Variants in PLEKHA6 observed in about 807,000 individuals in gnomAD.
PLEKHA6 encodes the protein pleckstrin homology domain containing A6, also known as pleckstrin homology domain-containing family A member 6.
A neutral mutation model predicts 116.7 loss-of-function variants in PLEKHA6; 60 were observed. The observed-to-expected ratio is 0.51, with a 90% CI of 0.42 to 0.64. PLEKHA6 has a LOEUF of 0.64. PLEKHA6 is among the 30% of genes least tolerant of loss of function. The probability of loss-of-function intolerance (pLI) is 0.00; values close to 1 mark genes in which losing one functional copy is unlikely to be tolerated. For missense variants in PLEKHA6, 1,338 were observed against 1,422.7 expected (o/e 0.94, Z 0.96); for synonymous variants, 489 against 556.1 (o/e 0.88, Z 1.70).
At chr1:204,244,012 A>G (rs899051491) in intron 15 of PLEKHA6, among the ~76,000 whole-genome samples, 19 of 150,910 alleles carry the variant, frequency 1.3e-4, no homozygotes, top group South Asian at 8.4e-4. Flanking sequence ...TAGTAGAGAC[A>G]GGGTTTCACT....
chr1:204,293,992 T>C (rs967019990), intron 1 of PLEKHA6, among the ~76,000 whole-genome samples: 1 of 152,210 alleles, frequency 6.6e-6, no homozygotes, highest in Non-Finnish European at 1.5e-5. Flanking sequence ...GATAATAGAA[T>C]TGTATCGATG....
At position 204,241,369 on chromosome 1, in the gene PLEKHA6, A is replaced by G; in HGVS notation, c.2409+6T>C. 1 of 1,580,276 alleles carries G rather than the reference A, an allele frequency of 6.3e-7. No homozygotes were observed. Among genetic ancestry groups the G allele is most frequent in the South Asian group, 1.1e-5 (1 of 89,452 alleles). On this transcript the variant is annotated splice_donor_region_variant and intron_variant, in intron 17 of 22. Transcript: ENST00000272203. ...CAGGCCTGCATGAGCTTGCAGAGGT[A>G]CCCACCTGGGAGGAGAGTCCATTGG... is the stretch of plus-strand genomic sequence containing the variant.
intron 1 of PLEKHA6, among the ~76,000 whole-genome samples, chr1:204,292,263 A>G (rs1669844132): frequency 6.6e-6 from 1 of 152,228 alleles, no homozygotes; most frequent in African/African-American, 2.4e-5. Context: ...TGGTTCTTTT[A>G]TGGTCTTATG....
rs5780222 is a variant in PLEKHA6 at position 204,253,833 on chromosome 1, CAAAAAA to C, written c.1525-3225_1525-3220del. ...TAGGCAACAGAGTGAGATCTTGTCT[CAAAAAA>C]AAAAAAAAAAACAAAAACAAAAACA... On this transcript the variant is annotated intron_variant, in intron 9 of 22. Coordinates refer to ENST00000272203, the MANE Select transcript of PLEKHA6 (RefSeq NM_014935.5). 7.7e-3 allele frequency among the ~76,000 whole-genome samples: 1,013 copies of C among 131,956 alleles called. 5 individuals carry two copies. The highest frequency in any genetic ancestry group is 0.023 in the Middle Eastern group (6 of 256). 86.6% of individuals were successfully genotyped at this position (131,956 alleles called of 152,430 possible).
At chr1:204,267,890 C>T (rs1004108028) in intron 4 of PLEKHA6, among the ~76,000 whole-genome samples, 5 of 152,042 alleles carry the variant, frequency 3.3e-5, no homozygotes, top group Admixed American at 6.5e-5. Flanking sequence ...ACACCCCTAC[C>T]CCCCACCATA....
intron 1 of PLEKHA6, among the ~76,000 whole-genome samples, chr1:204,343,757 C>T (rs891765190): frequency 3.3e-5 from 5 of 152,204 alleles, no homozygotes; most frequent in Non-Finnish European, 7.3e-5. Context: ...CAGTGGCTGG[C>T]CTGACCATGT....
In PLEKHA6 at chr1:204,223,403, G is replaced by A; in HGVS notation, c.*8+59C>T. The stretch of plus-strand genomic sequence containing the variant: ...ATGAGAGGGCATAGATGGCTCAATG[G>A]GGGTGAAGGAAGGGGCCCCACTCCC... On this transcript the variant is annotated intron_variant, in intron 22 of 22. Transcript: ENST00000272203. This position sits in a 1 kb window ranked among gnomAD's most constrained non-coding sequence, Gnocchi z 4.8. 2.4e-6 allele frequency: 2 copies of A among 838,846 alleles called. No homozygotes were observed. Among genetic ancestry groups the A allele is most frequent in the East Asian group, 2.6e-5 (1 of 37,788 alleles). 52.0% of individuals were successfully genotyped at this position (838,846 alleles called of 1,614,324 possible).
intron 1 of PLEKHA6, among the ~76,000 whole-genome samples, chr1:204,278,279 C>G (rs147009339): frequency 6.6e-6 from 1 of 152,230 alleles, no homozygotes; most frequent in African/African-American, 2.4e-5. Context: ...GTAAAGAGTT[C>G]TAGCAAAGGA....
chr1:204,271,769 C>T (rs942195866), intron 3 of PLEKHA6, among the ~76,000 whole-genome samples: 2 of 152,236 alleles, frequency 1.3e-5, no homozygotes, highest in African/African-American at 4.8e-5. Context: ...GAAAACCACA[C>T]AAACCTGCAG....
At chr1:204,265,242 C>T (rs1433968316) in intron 5 of PLEKHA6, among the ~76,000 whole-genome samples, 200 bp from the exon 6 acceptor site, 1 of 152,144 alleles carries the variant, frequency 6.6e-6, no homozygotes, top group Non-Finnish European at 1.5e-5. Flanking sequence ...TGTGGTGGCC[C>T]TGGAGATGCT....
At chr1:204,327,069 C>A (rs949295736) in intron 1 of PLEKHA6, 13 of 924,514 alleles carry the variant, frequency 1.4e-5, no homozygotes, top group African/African-American at 1.8e-5. Flanking sequence ...CCTCCTCCTC[C>A]TCCTGGGATA....
At chr1:204,335,224 TC>T (rs1336529356) in intron 1 of PLEKHA6, among the ~76,000 whole-genome samples, 1 of 150,518 alleles carries the variant, frequency 6.6e-6, no homozygotes, top group Non-Finnish European at 1.5e-5. Flanking sequence ...CCCCACCACT[TC>T]CCCCCACACA....
chr1:204,309,034 A>G (rs1020220830), intron 1 of PLEKHA6: 1 of 962,430 alleles, frequency 1.0e-6, no homozygotes, highest in Non-Finnish European at 1.2e-6. Context: ...CTGTTCCTCC[A>G]GTGGCTGGTT....
chr1:204,326,845 A>G (rs1264911105), intron 1 of PLEKHA6: 1 of 289,244 alleles, frequency 3.5e-6, no homozygotes. Flanking sequence ...CTCACTCAGC[A>G]TTCACTGCCT....
At chr1:204,320,898 T>C (rs1430039011) in intron 1 of PLEKHA6, among the ~76,000 whole-genome samples, 1 of 152,158 alleles carries the variant, frequency 6.6e-6, no homozygotes, top group African/African-American at 2.4e-5. Flanking sequence ...TTGAAAAACA[T>C]GTTCTGAAGC....
chr1:204,276,333 C>T (rs754561810), intron 1 of PLEKHA6, among the ~76,000 whole-genome samples: 15 of 152,130 alleles, frequency 9.9e-5, no homozygotes, highest in Non-Finnish European at 1.9e-4. Context: ...TCCCCACTTC[C>T]CAAACTTTAT....
At chr1:204,354,497 T>C (rs187250588) in intron 1 of PLEKHA6, among the ~76,000 whole-genome samples, 189 of 152,364 alleles carry the variant, frequency 1.2e-3, no homozygotes, top group African/African-American at 4.5e-3. Flanking sequence ...CGAAATATGA[T>C]GTTCAGTAAC....
rs755862005 is a variant in PLEKHA6, at chr1:204,273,696, G to C, written c.32C>G (p.Ala11Gly). 1 of 1,614,028 alleles carries C rather than the reference G, an allele frequency of 6.2e-7. No individual in the cohort carries two copies. Among genetic ancestry groups the C allele is most frequent in the African/African-American group, 1.3e-5 (1 of 74,930 alleles). MSNKTGGKRP[A>G]TTNSDIPNHN... is the part of the protein sequence containing the mutation. ...GTTGGGTATGTCACTGTTGGTGGTA[G>C]CCGGGCGTTTCCCACCTGTTTTATT... is the stretch of plus-strand genomic sequence containing the variant. Residue 11 changes from alanine to glycine, a missense_variant, in exon 3 of 23, where the codon GCT becomes GGT. Around this residue, in one of 3 missense-constraint regions of PLEKHA6, gnomAD observed 62 missense variants for 61.7 expected, o/e 1.01. Coordinates refer to ENST00000272203, the MANE Select transcript of PLEKHA6 (RefSeq NM_014935.5).
At chr1:204,367,008 C>T (rs568842698) in intron 3 of PLEKHA6, among the ~76,000 whole-genome samples, 1 of 152,354 alleles carries the variant, frequency 6.6e-6, no homozygotes, top group African/African-American at 2.4e-5. Context: ...GCTTCACCAT[C>T]CCTGCAGAAT....
Sources: allele counts gnomAD v4.1 joint callset (sites outside exome capture counted in the v4.1 genomes callset), GRCh38; gene constraint gnomAD v4.1.1; regional missense constraint gnomAD v4.1.1; non-coding constraint Gnocchi (gnomAD v3.1); transcripts MANE v1.5; gene names NCBI Gene and HGNC (gene_info 2026-07-23, HGNC 2026-07-21).